Variants in LSAMP observed in about 807,000 individuals in gnomAD.
LSAMP encodes limbic system associated membrane protein, also known as limbic system-associated membrane protein.
A neutral mutation model predicts 38.6 loss-of-function variants in LSAMP; 7 were observed. The observed-to-expected ratio is 0.18, with a 90% CI of 0.10 to 0.34. The LOEUF is 0.34. Among genes scored for constraint, LSAMP ranks in the 10% least tolerant of loss-of-function variants. LSAMP has a pLI of 1.00. For synonymous variants in LSAMP, 154 were observed against 166.8 expected (o/e 0.92, Z 0.59); for missense variants, 313 against 420.0 (o/e 0.75, Z 2.23).
intron 1 of LSAMP, among the ~76,000 whole-genome samples, chr3:116,114,275 T>C (rs1708693740): frequency 6.6e-6 from 1 of 152,190 alleles, no homozygotes; most frequent in African/African-American, 2.4e-5. Flanking sequence ...TTGGTAACTA[T>C]CTGGTGCCTT....
rs72955503 is a variant in LSAMP at position 115,881,864 on chromosome 3, C to T, written c.515-29247G>A. Reference sequence around the variant, plus strand: ...CCCAGTCCAGATTCCCTTTCCTGAACGTGCACCTGTCTCTCAGCTGTTCTT... The same window carrying T: ...CCCAGTCCAGATTCCCTTTCCTGAATGTGCACCTGTCTCTCAGCTGTTCTT... On this transcript the variant is annotated intron_variant, in intron 3 of 6. Coordinates refer to ENST00000490035, the MANE Select transcript of LSAMP (RefSeq NM_002338.5). Among the ~76,000 whole-genome samples the T allele has an allele frequency of 5.7e-4, 87 of 152,262 alleles. 1 individual carries two copies. The highest frequency in any genetic ancestry group is 6.8e-3 in the Middle Eastern group (2 of 294).
At chr3:116,342,151 A>C (rs2048004027) in intron 1 of LSAMP, among the ~76,000 whole-genome samples, 1 of 152,056 alleles carries the variant, frequency 6.6e-6, no homozygotes, top group Non-Finnish European at 1.5e-5. Context: ...CCATGATGTC[A>C]TTGGAAAGTA....
chr3:116,263,140 T>C (rs1198187505), intron 1 of LSAMP, among the ~76,000 whole-genome samples: 1 of 152,136 alleles, frequency 6.6e-6, no homozygotes, highest in Non-Finnish European at 1.5e-5. Flanking sequence ...TTGTTTAATT[T>C]ACGAATAACA....
In LSAMP at chr3:115,913,020, G is replaced by A. The variant is rs573069254; in HGVS notation, c.515-60403C>T. Reference sequence around the variant, plus strand: ...TTTCTAGAAGTATAGGGACAAATATGTGTATTCCATCTCCTCAAAAGTGGA... The same window carrying A: ...TTTCTAGAAGTATAGGGACAAATATATGTATTCCATCTCCTCAAAAGTGGA... On this transcript the variant is annotated intron_variant, in intron 3 of 6. Transcript: ENST00000490035. Among the ~76,000 whole-genome samples, 13 of 152,310 alleles carry A rather than the reference G, an allele frequency of 8.5e-5. 1 individual carries two copies. In the South Asian group the frequency reaches 1.2e-3, roughly 15 times the overall value.
chr3:116,398,157 G>A (rs1238704265), intron 1 of LSAMP, among the ~76,000 whole-genome samples: 1 of 151,974 alleles, frequency 6.6e-6, no homozygotes, highest in Non-Finnish European at 1.5e-5. Context: ...ATAAATTTAA[G>A]ACGTATAATA....
At chr3:115,840,776 G>GATTTTATAT (rs1415737878) in intron 6 of LSAMP, among the ~76,000 whole-genome samples, 1 of 151,940 alleles carries the variant, frequency 6.6e-6, no homozygotes, top group East Asian at 1.9e-4. Flanking sequence ...AATATAGCAA[G>GATTTTATAT]ATAGAAACAT....
chr3:116,242,340 A>T (rs1240946934), intron 1 of LSAMP, among the ~76,000 whole-genome samples: 7 of 152,348 alleles, frequency 4.6e-5, no homozygotes, highest in Non-Finnish European at 7.3e-5. Context: ...AAAATAGTTT[A>T]AAAAATGGTA....
chr3:115,904,739 A>G (rs1936967156), intron 3 of LSAMP, among the ~76,000 whole-genome samples: 1 of 152,084 alleles, frequency 6.6e-6, no homozygotes, highest in East Asian at 1.9e-4. Flanking sequence ...TCCTCTGGTA[A>G]CCTGTCTTAC....
intron 3 of LSAMP, among the ~76,000 whole-genome samples, chr3:115,893,660 G>A (rs1936658034): frequency 6.6e-6 from 1 of 151,922 alleles, no homozygotes; most frequent in Non-Finnish European, 1.5e-5. Flanking sequence ...GTCTTATGAA[G>A]AAGCAATCAA....
intron 1 of LSAMP, among the ~76,000 whole-genome samples, chr3:116,112,166 T>G (rs1708630440): frequency 6.6e-6 from 1 of 152,224 alleles, no homozygotes; most frequent in Non-Finnish European, 1.5e-5. Context: ...ACAGAGAAAT[T>G]AGAGTCCTAA....
chr3:115,863,092 G>A (rs1184065662), intron 3 of LSAMP, among the ~76,000 whole-genome samples: 1 of 152,208 alleles, frequency 6.6e-6, no homozygotes, highest in Admixed American at 6.5e-5. Flanking sequence ...CAGTGCAAGT[G>A]AGGGTCACTA....
chr3:116,230,307 G>C (rs1346697855), intron 1 of LSAMP, among the ~76,000 whole-genome samples: 1 of 151,982 alleles, frequency 6.6e-6, no homozygotes, highest in Non-Finnish European at 1.5e-5. Flanking sequence ...GTCCTTCCTA[G>C]TTAGGGCTTC....
intron 3 of LSAMP, among the ~76,000 whole-genome samples, chr3:115,884,955 G>T (rs1936413621): frequency 6.6e-6 from 1 of 151,984 alleles, no homozygotes; most frequent in African/African-American, 2.4e-5. Context: ...GAAAAGAAAT[G>T]TCATTAATAG....
chr3:116,179,774 T>C (rs1312037200), intron 1 of LSAMP, among the ~76,000 whole-genome samples: 1 of 152,158 alleles, frequency 6.6e-6, no homozygotes, highest in Non-Finnish European at 1.5e-5. Flanking sequence ...GAGGATTACA[T>C]TTTGACATGA....
intron 1 of LSAMP, among the ~76,000 whole-genome samples, chr3:116,311,025 T>C (rs944454448): frequency 6.6e-6 from 1 of 152,024 alleles, no homozygotes. Flanking sequence ...AGTTTGTCAA[T>C]TTAACGGCAC....
chr3:116,441,997 T>C (rs1268089703), intron 1 of LSAMP, among the ~76,000 whole-genome samples: 1 of 152,162 alleles, frequency 6.6e-6, no homozygotes, highest in Admixed American at 6.5e-5. Context: ...GTTAGGTATG[T>C]ATACATGAAG....
chr3:115,971,698 G>T (rs1417023984), intron 3 of LSAMP, among the ~76,000 whole-genome samples: 1 of 152,108 alleles, frequency 6.6e-6, no homozygotes, highest in East Asian at 1.9e-4. Flanking sequence ...TTGATAAGGT[G>T]ATTATCACCA....
intron 1 of LSAMP, among the ~76,000 whole-genome samples, chr3:116,232,643 G>A (rs1400061109): frequency 6.7e-6 from 1 of 148,174 alleles, no homozygotes; most frequent in East Asian, 2.1e-4. Context: ...GCCTGAGAAA[G>A]AGACAATTTA....
chr3:115,930,918 A>G (rs1009456633), intron 3 of LSAMP, among the ~76,000 whole-genome samples: 1 of 152,200 alleles, frequency 6.6e-6, no homozygotes, highest in Non-Finnish European at 1.5e-5. Context: ...TATTTTTTCT[A>G]TCACATTTTA....
Sources: gnomAD v4.1 joint callset for allele counts (sites outside exome capture counted in the v4.1 genomes callset) on GRCh38, gnomAD v4.1.1 for gene constraint, MANE v1.5 for transcripts, NCBI Gene and HGNC (gene_info 2026-07-23, HGNC 2026-07-21) for gene names.